ABI1: variants seen among roughly 807,000 people sequenced by gnomAD.
ABI1 encodes the protein Abelson interactor 1.
Under a neutral mutation model 54.6 loss-of-function variants are expected in ABI1, and 14 were observed. That is an observed-to-expected ratio of 0.26 (90% CI 0.17 to 0.40). The LOEUF is 0.40. Among genes scored for constraint, ABI1 ranks in the 10% least tolerant of loss-of-function variants. The pLI is 1.00. For missense variants in ABI1, 443 were observed against 598.3 expected (o/e 0.74, Z 2.71); for synonymous variants, 194 against 209.3 (o/e 0.93, Z 0.63).
At chr10:26,859,594 A>C (rs2051131427) in intron 1 of ABI1, among the ~76,000 whole-genome samples, 2 of 152,374 alleles carry the variant, frequency 1.3e-5, no homozygotes, top group South Asian at 4.1e-4. Context: ...AAAGATCTTC[A>C]AAACAAACTA....
intron 2 of ABI1, among the ~76,000 whole-genome samples, chr10:26,793,012 T>C (rs1490425795): frequency 6.6e-6 from 1 of 152,176 alleles, no homozygotes; most frequent in Non-Finnish European, 1.5e-5. Context: ...ATGGATTTTC[T>C]ACAATATCAT....
chr10:26,843,602 T>C (rs1374296325), intron 1 of ABI1, among the ~76,000 whole-genome samples: 1 of 148,024 alleles, frequency 6.8e-6, no homozygotes, highest in Non-Finnish European at 1.5e-5. Context: ...TATTAATATA[T>C]CACACATTCT....
intron 1 of ABI1, among the ~76,000 whole-genome samples, chr10:26,823,854 G>C (rs1436356895): frequency 6.6e-6 from 1 of 151,758 alleles, no homozygotes; most frequent in Non-Finnish European, 1.5e-5. Flanking sequence ...CAGAAGGCAA[G>C]AACTCCTCAA....
intron 6 of ABI1, among the ~76,000 whole-genome samples, chr10:26,765,987 A>G (rs1839905416): frequency 6.6e-6 from 1 of 152,170 alleles, no homozygotes; most frequent in Non-Finnish European, 1.5e-5. Context: ...CACCATCTGA[A>G]GTTCATAATG....
At chr10:26,825,783 G>A (rs1271667489) in intron 1 of ABI1, among the ~76,000 whole-genome samples, 4 of 152,232 alleles carry the variant, frequency 2.6e-5, no homozygotes, top group South Asian at 4.1e-4. Context: ...GGTTCACAGC[G>A]TCTTCAGCAG....
At chr10:26,849,699 A>G (rs10829111) in intron 1 of ABI1, among the ~76,000 whole-genome samples, 39,109 of 152,164 alleles carry the variant, frequency 0.26, 5,720 homozygotes, top group South Asian at 0.44. Context: ...AATAAAATTC[A>G]AGCTTTCAAG....
chr10:26,852,946 G>A (rs1191996338), intron 1 of ABI1, among the ~76,000 whole-genome samples: 1 of 152,008 alleles, frequency 6.6e-6, no homozygotes, highest in Non-Finnish European at 1.5e-5. Flanking sequence ...CTCATTAACA[G>A]ATTTTCTTCA....
intron 1 of ABI1, among the ~76,000 whole-genome samples, chr10:26,839,971 CAT>C (rs1187530139): frequency 6.6e-6 from 1 of 151,840 alleles, no homozygotes; most frequent in Non-Finnish European, 1.5e-5. Flanking sequence ...GCCGGGGTGA[CAT>C]AGAGAGATCC....
chr10:26,761,694 A>C, intron 7 of ABI1, among the ~76,000 whole-genome samples: 1 of 142,398 alleles, frequency 7.0e-6, no homozygotes, highest in African/African-American at 2.6e-5. Flanking sequence ...AACCTTAAAC[A>C]ATACACACAG....
chr10:26,755,670 T>C lies in ABI1; in HGVS notation c.1069A>G (p.Arg357Gly). The C allele has an allele frequency of 6.2e-7, 1 of 1,613,356 alleles. No individual in the cohort carries two copies. The highest frequency in any genetic ancestry group is 8.5e-7 in the Non-Finnish European group (1 of 1,179,504). Reference sequence around the variant, plus strand: ...CCAAACTTACTGTTTTCCTGCACCCTGGCCACGAAGCCTGTGAGAGGTATC... The same window carrying C: ...CCAAACTTACTGTTTTCCTGCACCCCGGCCACGAAGCCTGTGAGAGGTATC... Reference protein sequence around the residue: ...PQIPLTGFVARVQENIADSPT... With the variant: ...PQIPLTGFVAGVQENIADSPT... The change falls in exon 9 of 11, where the codon AGG becomes GGG. Residue 357 changes from arginine to glycine, a missense_variant. Arg to Gly is a moderately radical substitution (Grantham distance 125). Coordinates refer to ENST00000376140, the MANE Select transcript of ABI1 (RefSeq NM_001012750.3).
chr10:26,806,156 T>A (rs1234783666), intron 2 of ABI1, among the ~76,000 whole-genome samples: 1 of 152,206 alleles, frequency 6.6e-6, no homozygotes, highest in Non-Finnish European at 1.5e-5. Flanking sequence ...CATTCAATCT[T>A]CATTCTACCC....
intron 2 of ABI1, among the ~76,000 whole-genome samples, chr10:26,816,442 A>G (rs1233414403): frequency 6.6e-6 from 1 of 152,222 alleles, no homozygotes; most frequent in Non-Finnish European, 1.5e-5. Flanking sequence ...GATACCCATA[A>G]AAACTTTATG....
At chr10:26,827,078 T>C (rs2048349129) in intron 1 of ABI1, among the ~76,000 whole-genome samples, 1 of 151,674 alleles carries the variant, frequency 6.6e-6, no homozygotes, top group Non-Finnish European at 1.5e-5. Context: ...CATGCCTGCC[T>C]AATTTTTTGT....
At position 26,755,739 on chromosome 10, in the gene ABI1, A is replaced by C. The variant is rs374452470; in HGVS notation, c.1000T>G (p.Ser334Ala). The change falls in exon 9 of 11, where the codon TCT (serine) becomes GCT (alanine). Residue 334 changes from serine (S) to alanine (A), a missense_variant and splice_region_variant. Ser to Ala is a moderately conservative substitution (Grantham distance 99, BLOSUM62 1). Coordinates refer to ENST00000376140, the MANE Select transcript of ABI1 (RefSeq NM_001012750.3). ...GGPLYSQNSI[S>A]IAPPPPPMPQ... ...ATAGGGGGAGGGGGTGGAGCAATAG[A>C]AACTGGTAGCAACAACACAGTATGG... 6.2e-7 allele frequency: 1 copy of C among 1,609,950 alleles called. No homozygotes were observed. The highest frequency in any genetic ancestry group is 8.5e-7 in the Non-Finnish European group (1 of 1,176,706).
intron 2 of ABI1, among the ~76,000 whole-genome samples, chr10:26,810,281 G>T (rs1299844680): frequency 1.3e-5 from 2 of 152,038 alleles, no homozygotes; most frequent in Admixed American, 6.6e-5. Context: ...ATATGCTGGG[G>T]ATATGGTAGG....
chr10:26,757,661 GA>G (rs1346175272), intron 8 of ABI1, among the ~76,000 whole-genome samples: 1 of 152,012 alleles, frequency 6.6e-6, no homozygotes, highest in African/African-American at 2.4e-5. Context: ...TTTTAGTCTG[GA>G]AAAAAAGCTA....
chr10:26,811,955 T>C (rs2047266168), intron 2 of ABI1, among the ~76,000 whole-genome samples: 2 of 152,194 alleles, frequency 1.3e-5, no homozygotes, highest in Admixed American at 1.3e-4. Context: ...ACAGGCTCCC[T>C]GAGAAGGCTC....
At chr10:26,753,833 A>T (rs1175468521) in intron 9 of ABI1, among the ~76,000 whole-genome samples, 2 of 152,224 alleles carry the variant, frequency 1.3e-5, no homozygotes, top group Admixed American at 6.5e-5. Context: ...ACCCAAGTTC[A>T]TATGTTTGGT....
At chr10:26,800,549 G>A (rs142431896) in intron 2 of ABI1, among the ~76,000 whole-genome samples, 17 of 152,214 alleles carry the variant, frequency 1.1e-4, no homozygotes, top group African/African-American at 4.1e-4. Context: ...AGGCCAAGGT[G>A]GGAGGATGGT....
Sources: allele counts gnomAD v4.1 joint callset (sites outside exome capture counted in the v4.1 genomes callset), GRCh38; gene constraint gnomAD v4.1.1; transcripts MANE v1.5; gene names NCBI Gene and HGNC (gene_info 2026-07-23, HGNC 2026-07-21).